The following BRDT variants were observed in gnomAD, a reference collection of about 807,000 sequenced individuals.
BRDT encodes bromodomain testis associated.
BRDT carries 77 observed loss-of-function variants against 113.9 expected under a neutral mutation model. The ratio of observed to expected loss-of-function variants is 0.68; its 90% confidence interval spans 0.56 to 0.82. The LOEUF is 0.82. Among genes scored for constraint, BRDT ranks in the 40% least tolerant of loss-of-function variants. The probability of loss-of-function intolerance (pLI) is 0.00; values close to 1 mark genes in which losing one functional copy is unlikely to be tolerated. For missense variants in BRDT, 1,027 were observed against 1,105.4 expected (o/e 0.93, Z 1.01); for synonymous variants, 358 against 366.5 (o/e 0.98, Z 0.26).
At position 91,979,665 on chromosome 1, in the gene BRDT, A is replaced by G; in HGVS notation, c.1195A>G (p.Arg399Gly). ...IKTDITETTG[R>G]ENTNEASSEG... ...AACAGATATCACAGAAACCACTGGT[A>G]GAGAGAACACTAATGAAGCCTCCTC... Residue 399 changes from arginine (R) to glycine (G), a missense_variant, in exon 8 of 19, where the codon AGA (arginine) becomes GGA (glycine). By Grantham distance (125) the Arg-to-Gly change is moderately radical. Coordinates refer to ENST00000399546, the MANE Select transcript of BRDT (RefSeq NM_207189.4). 6.2e-7 allele frequency: 1 copy of G among 1,614,126 alleles called. No individual in the cohort carries two copies. Among genetic ancestry groups the G allele is most frequent in the East Asian group, 2.2e-5 (1 of 44,866 alleles).
At chr1:91,994,278 CTG>C in intron 15 of BRDT, 24 bp downstream of exon 15, 2 of 1,553,554 alleles carry the variant, frequency 1.3e-6, no homozygotes, top group Non-Finnish European at 1.8e-6. Context: ...AAGTAAACAA[CTG>C]TTATTGAGAA....
chr1:91,961,911 A>G (rs555277106), intron 1 of BRDT, among the ~76,000 whole-genome samples: 114 of 152,020 alleles, frequency 7.5e-4, no homozygotes, highest in Non-Finnish European at 1.3e-3. Context: ...TAATCCCAGC[A>G]CTTTGGGAGG....
chr1:91,990,957 C>T (rs1223403427), intron 12 of BRDT, among the ~76,000 whole-genome samples: 1 of 152,082 alleles, frequency 6.6e-6, no homozygotes, highest in Non-Finnish European at 1.5e-5. Flanking sequence ...GCCACCACAC[C>T]GTGCTAATTT....
chr1:91,981,417 T>C (rs1333044626), intron 11 of BRDT, 36 bp downstream of exon 11: 1 of 1,552,918 alleles, frequency 6.4e-7, no homozygotes, highest in South Asian at 1.1e-5. Context: ...TATGTATGTA[T>C]GTATGTATGT....
rs1289830054 is a variant in BRDT, at chr1:91,965,643, A to G, written c.330+879A>G. On this transcript the variant is annotated intron_variant, in intron 3 of 18. Coordinates refer to ENST00000399546, the MANE Select transcript of BRDT (RefSeq NM_207189.4). ...GGCGGGAGGATCATGAGGTTGAGAG[A>G]TCAAGACCATCCTGACCAACATGGT... Among the ~76,000 whole-genome samples, 5 of 152,028 alleles carry G rather than the reference A, an allele frequency of 3.3e-5. No homozygotes were observed. In the East Asian group the frequency reaches 9.6e-4, roughly 29 times the overall value.
chr1:91,988,042 G>T (rs953090655), intron 12 of BRDT, among the ~76,000 whole-genome samples: 4 of 151,946 alleles, frequency 2.6e-5, no homozygotes, highest in Admixed American at 6.6e-5. Flanking sequence ...TAGAGATAAA[G>T]TTTCACAATG....
rs1468507396 is a variant in BRDT, at chr1:92,004,438, T to A, written c.2413T>A (p.Ser805Thr). 4 of 1,608,332 alleles carry A rather than the reference T, an allele frequency of 2.5e-6. No homozygotes were observed. The highest frequency in any genetic ancestry group is 2.5e-6 in the Non-Finnish European group (3 of 1,178,488). The change falls in exon 17 of 19, where the codon TCA becomes ACA. Residue 805 changes from serine to threonine, a missense_variant. Physicochemically the swap from Ser to Thr is moderately conservative, Grantham distance 58. Coordinates refer to ENST00000399546, the MANE Select transcript of BRDT (RefSeq NM_207189.4). ...QKDIKIKNAD[S>T]WKSLGKPVKP... is the part of the protein sequence containing the mutation. Reference sequence around the variant, plus strand: ...GGATATAAAGATTAAGAATGCAGATTCATGGAAAAGTTTAGGCAAACCAGT... The same window carrying A: ...GGATATAAAGATTAAGAATGCAGATACATGGAAAAGTTTAGGCAAACCAGT...
intron 3 of BRDT, among the ~76,000 whole-genome samples, chr1:91,966,569 C>T (rs1683085632): frequency 6.6e-6 from 1 of 152,156 alleles, no homozygotes; most frequent in Non-Finnish European, 1.5e-5. Context: ...CCATTGGCAA[C>T]TTCATTTTAA....
Position 92,004,616 on chromosome 1 carries a change from A to G in BRDT, c.2591A>G (p.Gln864Arg), listed in dbSNP as rs1055458139. Residue 864 changes from glutamine (Q) to arginine (R), a missense_variant, in exon 17 of 19, where the codon CAG becomes CGG. Physicochemically the swap from Gln to Arg is conservative, Grantham distance 43. Coordinates refer to ENST00000399546, the MANE Select transcript of BRDT (RefSeq NM_207189.4). Reference sequence around the variant, plus strand: ...GAACTAAAAGCATCTCAAGAAAATCAGAGGTCTGTAATTTACTGGATTAAA... The same window carrying G: ...GAACTAAAAGCATCTCAAGAAAATCGGAGGTCTGTAATTTACTGGATTAAA... Reference protein sequence around the residue: ...TKELKASQENQRDLGNGLTVE... With the variant: ...TKELKASQENRRDLGNGLTVE... 6 of 1,600,988 alleles carry G rather than the reference A, an allele frequency of 3.7e-6. No individual in the cohort carries two copies. The highest frequency in any genetic ancestry group is 5.1e-6 in the Non-Finnish European group (6 of 1,176,412).
At chr1:91,967,331 G>A (rs1380611933) in intron 3 of BRDT, among the ~76,000 whole-genome samples, 1 of 151,494 alleles carries the variant, frequency 6.6e-6, no homozygotes, top group Non-Finnish European at 1.5e-5. Flanking sequence ...CCACCTCCCG[G>A]TTCAAGCAAT....
At chr1:92,010,294 C>T (rs1408560376) in intron 18 of BRDT, among the ~76,000 whole-genome samples, 3 of 85,746 alleles carry the variant, frequency 3.5e-5, no homozygotes, top group Non-Finnish European at 6.6e-5. Flanking sequence ...TTTTTTGAGA[C>T]TGAATCTCAC....
chr1:91,979,035 C>A (rs1329324291), intron 7 of BRDT, among the ~76,000 whole-genome samples: 3 of 136,406 alleles, frequency 2.2e-5, no homozygotes, highest in East Asian at 2.1e-4. Context: ...ACAAAAAAAA[C>A]CCTATATTAC....
At chr1:92,012,667 T>A (rs1467306257) in intron 18 of BRDT, among the ~76,000 whole-genome samples, 1 of 152,180 alleles carries the variant, frequency 6.6e-6, no homozygotes, top group African/African-American at 2.4e-5. Context: ...TCCCAACACT[T>A]TGGGAGGCCA....
chr1:92,001,467 G>A (rs1289390335), intron 15 of BRDT, among the ~76,000 whole-genome samples: 3 of 152,154 alleles, frequency 2.0e-5, no homozygotes, highest in East Asian at 1.9e-4. Context: ...AGGCTGAGGC[G>A]GGCAGATCAC....
At chr1:91,971,673 A>G (rs1038400876) in intron 4 of BRDT, among the ~76,000 whole-genome samples, 2 of 152,218 alleles carry the variant, frequency 1.3e-5, no homozygotes, top group African/African-American at 4.8e-5. Flanking sequence ...CCATCTTGGA[A>G]TTAATATTCT....
intron 12 of BRDT, among the ~76,000 whole-genome samples, chr1:91,987,583 A>T (rs1263212548): frequency 6.6e-6 from 1 of 150,554 alleles, no homozygotes; most frequent in Admixed American, 6.6e-5. Context: ...TGGTCTGCCC[A>T]CCTCAGCCTG....
chr1:91,982,931 A>G (rs1684849957), intron 12 of BRDT, among the ~76,000 whole-genome samples: 1 of 152,198 alleles, frequency 6.6e-6, no homozygotes, highest in South Asian at 2.1e-4. Context: ...TGTAATTAGC[A>G]TTTGTAACTT....
chr1:91,997,198 C>T (rs1198611386), intron 15 of BRDT, among the ~76,000 whole-genome samples: 1 of 152,030 alleles, frequency 6.6e-6, no homozygotes, highest in Non-Finnish European at 1.5e-5. Context: ...GAGAGCATTA[C>T]ATTGGGAATG....
At position 91,987,992 on chromosome 1, in the gene BRDT, G is replaced by A. The variant is rs150782761; in HGVS notation, c.2003-3192G>A. Among the ~76,000 whole-genome samples, 374 of 152,126 alleles carry A rather than the reference G, an allele frequency of 2.5e-3. 6 individuals are homozygous for A. The East Asian group carries it at 0.053, about 22-fold the overall frequency. ...AGCCTCCTAAGTAGCTGGGATTACG[G>A]GCACCTGCCACCACGCCCGGCTAAT... On this transcript the variant is annotated intron_variant, in intron 12 of 18. Transcript: ENST00000399546.
Sources: gnomAD v4.1 joint callset for allele counts (sites outside exome capture counted in the v4.1 genomes callset) on GRCh38, gnomAD v4.1.1 for gene constraint, MANE v1.5 for transcripts, NCBI Gene and HGNC (gene_info 2026-07-23, HGNC 2026-07-21) for gene names.